The following RASGEF1A variants were observed in gnomAD, a reference collection of about 807,000 sequenced individuals.
RASGEF1A encodes the protein ras-GEF domain-containing family member 1A.
A neutral mutation model predicts 56.4 loss-of-function variants in RASGEF1A; 18 were observed. The observed-to-expected ratio is 0.32, with a 90% CI of 0.22 to 0.47. The LOEUF (loss-of-function observed/expected upper bound fraction) is 0.47. Ranked by LOEUF, RASGEF1A falls within the 20% of genes least tolerant of loss-of-function variation. The pLI, the probability that RASGEF1A is intolerant of heterozygous loss-of-function variation, is 1.00. For synonymous variants in RASGEF1A, 245 were observed against 242.6 expected, an observed-to-expected ratio of 1.01 and a Z score of -0.09; for missense variants, 422 against 627.1, an observed-to-expected ratio of 0.67 and a Z score of 3.49.
At chr10:43,211,959 A>C (rs1256122019) in intron 1 of RASGEF1A, among the ~76,000 whole-genome samples, 1 of 152,148 alleles carries the variant, frequency 6.6e-6, no homozygotes, top group African/African-American at 2.4e-5. Context: ...CTGGAGCAGA[A>C]CCAGGTATGT....
intron 1 of RASGEF1A, among the ~76,000 whole-genome samples, chr10:43,249,930 G>T (rs1048728298): frequency 6.6e-6 from 1 of 152,220 alleles, no homozygotes; most frequent in African/African-American, 2.4e-5. Context: ...TTAAAAGCAA[G>T]ATTTAAAAGC....
intron 1 of RASGEF1A, among the ~76,000 whole-genome samples, chr10:43,257,623 G>A (rs12766919): frequency 0.28 from 43,132 of 152,212 alleles, 6,499 homozygotes; most frequent in Non-Finnish European, 0.33. Context: ...AGGGGGTAGT[G>A]ACTGCACACA....
chr10:43,265,821 G>T (rs1048771606), intron 1 of RASGEF1A, among the ~76,000 whole-genome samples: 3 of 152,258 alleles, frequency 2.0e-5, no homozygotes, highest in Admixed American at 2.0e-4. Flanking sequence ...TCCGGAGGGG[G>T]CGGGAGAACC....
At chr10:43,265,580 T>G (rs61845701) in intron 1 of RASGEF1A, among the ~76,000 whole-genome samples, 22,469 of 152,300 alleles carry the variant, frequency 0.15, 1,766 homozygotes, top group Admixed American at 0.19. Flanking sequence ...CTCCCCTTCC[T>G]GGGCTGGGGT....
chr10:43,200,696 G>C lies in RASGEF1A; in HGVS notation c.652C>G (p.Leu218Val). The C allele has an allele frequency of 6.2e-7, 1 of 1,613,102 alleles. No individual in the cohort carries two copies. The highest frequency in any genetic ancestry group is 8.5e-7 in the Non-Finnish European group (1 of 1,180,008). Residue 218 changes from leucine (L) to valine (V), a missense_variant, in exon 5 of 13, where the codon CTG becomes GTG. Leu to Val is a conservative substitution (Grantham distance 32). Transcript: ENST00000395810. Reference protein sequence around the residue: ...ILGVCCDPLVLAQQLTHIELD... With the variant: ...ILGVCCDPLVVAQQLTHIELD... ...TCAATGTGAGTCAGCTGCTGGGCCA[G>C]CACCAGGGGGTCGCAGCACACGCCC...
intron 1 of RASGEF1A, among the ~76,000 whole-genome samples, chr10:43,251,368 G>A (rs1183951555): frequency 1.3e-5 from 2 of 152,158 alleles, no homozygotes; most frequent in African/African-American, 4.8e-5. Context: ...GAAGCGTCTT[G>A]TGGGGCCCCT....
chr10:43,240,146 T>C (rs908640797), intron 1 of RASGEF1A, among the ~76,000 whole-genome samples: 2 of 152,228 alleles, frequency 1.3e-5, no homozygotes, highest in African/African-American at 2.4e-5. Context: ...GCTGAAAGCA[T>C]ACCCAAAGAC....
chr10:43,240,110 C>T (rs1304173221), intron 1 of RASGEF1A, among the ~76,000 whole-genome samples: 3 of 152,200 alleles, frequency 2.0e-5, no homozygotes, highest in Admixed American at 6.5e-5. Context: ...AAGACTAAGG[C>T]AGAGTTATCA....
rs1306405690 is a variant in RASGEF1A at position 43,217,917 on chromosome 10, G to T, written c.-6-11795C>A. 2.6e-5 allele frequency among the ~76,000 whole-genome samples: 4 copies of T among 152,184 alleles called. No homozygotes were observed. In the South Asian group the frequency reaches 8.3e-4, roughly 31 times the overall value. On this transcript the variant is annotated intron_variant, in intron 1 of 12. Coordinates refer to ENST00000395810, the MANE Select transcript of RASGEF1A (RefSeq NM_145313.4). ...AACGTGTCTCCCTTAACTCCAGGGAGCCCTTGTCCCATCTGCTGAGGCCAT... is the reference window on the plus strand; with the variant it reads ...AACGTGTCTCCCTTAACTCCAGGGATCCCTTGTCCCATCTGCTGAGGCCAT...
intron 1 of RASGEF1A, among the ~76,000 whole-genome samples, chr10:43,241,848 G>GA (rs1159232799): frequency 3.3e-5 from 5 of 152,154 alleles, no homozygotes; most frequent in African/African-American, 1.2e-4. Context: ...AGTTGAAAGT[G>GA]AAAATATGGC....
intron 1 of RASGEF1A, among the ~76,000 whole-genome samples, chr10:43,265,439 C>G (rs1012835896): frequency 5.9e-5 from 9 of 152,212 alleles, no homozygotes; most frequent in Non-Finnish European, 1.0e-4. Context: ...GAGTGTGGGC[C>G]TGCTGCACCC....
In RASGEF1A at chr10:43,247,872, G is replaced by A. The variant is rs539436519; in HGVS notation, c.-7+18973C>T. ...AGGTCAGGAGTTCAAGACCAGTCTG[G>A]CCAACATGGTGAAACCCCGTCTCTA... On this transcript the variant is annotated intron_variant, in intron 1 of 12. Transcript: ENST00000395810. Among the ~76,000 whole-genome samples the A allele has an allele frequency of 1.5e-4, 23 of 151,770 alleles. No individual in the cohort carries two copies. The South Asian group carries it at 4.6e-3, about 30-fold the overall frequency.
intron 1 of RASGEF1A, among the ~76,000 whole-genome samples, chr10:43,217,973 G>A (rs1479130977): frequency 2.6e-5 from 4 of 152,272 alleles, no homozygotes; most frequent in African/African-American, 9.6e-5. Context: ...GCAGCTGCAG[G>A]CCCAGGCTGG....
At chr10:43,229,692 GGCGTCCA>G (rs1348539253) in intron 1 of RASGEF1A, 1 of 1,443,580 alleles carries the variant, frequency 6.9e-7, no homozygotes, top group Non-Finnish European at 9.1e-7. Flanking sequence ...TGCCCGGTCC[GGCGTCCA>G]GCGAGCGGCG....
intron 1 of RASGEF1A, among the ~76,000 whole-genome samples, chr10:43,262,449 A>C (rs547832884): frequency 2.0e-5 from 3 of 151,892 alleles, no homozygotes; most frequent in Non-Finnish European, 4.4e-5. Context: ...ACTGTCCCAG[A>C]GCTCTCAGGT....
chr10:43,209,284 C>T (rs1840034661), intron 1 of RASGEF1A: 4 of 907,218 alleles, frequency 4.4e-6, no homozygotes, highest in Non-Finnish European at 5.3e-6. Flanking sequence ...CCAGAGAACC[C>T]GTTATTCCCT....
intron 1 of RASGEF1A, among the ~76,000 whole-genome samples, chr10:43,230,932 T>C (rs772554553): frequency 6.6e-6 from 1 of 152,212 alleles, no homozygotes; most frequent in Non-Finnish European, 1.5e-5. Context: ...CTCAAGGGCC[T>C]GGAGACAGGA....
Position 43,252,886 on chromosome 10 carries a change from C to G in RASGEF1A, c.-7+13959G>C, listed in dbSNP as rs137878638. 6.3e-4 allele frequency among the ~76,000 whole-genome samples: 96 copies of G among 152,164 alleles called. 1 individual carries two copies. The highest frequency in any genetic ancestry group is 3.4e-3 in the Middle Eastern group (1 of 294). The stretch of plus-strand genomic sequence containing the variant: ...TCGACACAGACCCACTGGGACTAAC[C>G]GCTCCCCTGCACCCTGGCACTCATC... On this transcript the variant is annotated intron_variant, in intron 1 of 12. Transcript: ENST00000395810.
At chr10:43,204,875 G>C (rs1366344354) in intron 2 of RASGEF1A, among the ~76,000 whole-genome samples, 1 of 152,232 alleles carries the variant, frequency 6.6e-6, no homozygotes, top group African/African-American at 2.4e-5. Flanking sequence ...GACTACCTCA[G>C]GGCCTTGGGC....
Sources: allele counts gnomAD v4.1 joint callset (sites outside exome capture counted in the v4.1 genomes callset), GRCh38; gene constraint gnomAD v4.1.1; transcripts MANE v1.5; gene names NCBI Gene and HGNC (gene_info 2026-07-23, HGNC 2026-07-21).